ABTB1: variants seen among roughly 807,000 people sequenced by gnomAD.
The protein encoded by ABTB1 is ankyrin repeat and BTB domain containing 1.
Under a neutral mutation model 57.1 loss-of-function variants are expected in ABTB1, and 45 were observed. The observed-to-expected ratio is 0.79, with a 90% CI of 0.62 to 1.01. The LOEUF is 1.01. Ranked by LOEUF, ABTB1 falls within the 50% of genes least tolerant of loss-of-function variation. The pLI is 0.00. For missense variants in ABTB1, 630 were observed against 666.3 expected (o/e 0.95, Z 0.60); for synonymous variants, 302 against 275.4 (o/e 1.10, Z -0.95).
intron 3 of ABTB1, chr3:127,675,537 G>A (rs941952872): frequency 3.3e-5 from 6 of 181,326 alleles, no homozygotes; most frequent in East Asian, 1.3e-4. Context: ...CCTTGGTCTC[G>A]CAAAGTGCCT....
chr3:127,678,223 C>G (rs1481981697), intron 10 of ABTB1: 1 of 245,788 alleles, frequency 4.1e-6, no homozygotes, highest in Non-Finnish European at 8.1e-6. Flanking sequence ...CTCCAGCTGC[C>G]CCAAGGTGTC....
chr3:127,676,453 GA>G lies in ABTB1; in HGVS notation c.480+23del. 1 of 1,614,050 alleles carries G rather than the reference GA, an allele frequency of 6.2e-7. No homozygotes were observed. Among genetic ancestry groups the G allele is most frequent in the African/African-American group, 1.3e-5 (1 of 75,042 alleles). On this transcript the variant is annotated intron_variant, in intron 5 of 11. Coordinates refer to ENST00000232744, the MANE Select transcript of ABTB1 (RefSeq NM_172027.3). This position sits in a 1 kb window ranked among gnomAD's most constrained non-coding sequence, Gnocchi z 5.4. ...ACTGGTATGTCCCTTCAGGGTGGCA[GA>G]GGGGCATGAACTGTCCAGGAACAGC...
intron 1 of ABTB1, 129 bp downstream of exon 1, chr3:127,673,210 C>A: frequency 2.8e-6 from 3 of 1,054,936 alleles, no homozygotes; most frequent in Non-Finnish European, 3.7e-6. Context: ...CCTCGGAGCG[C>A]CCCCGCGGGG....
In ABTB1 at chr3:127,680,540, T is replaced by C. The variant is rs757723852; in HGVS notation, c.*65T>C. ...GGAGACAAGCATGTGTATGCGTTTG[T>C]GTGCAGCTCTTCTTCCTGCTCCCTG... On this transcript the variant is annotated 3_prime_UTR_variant, in exon 12 of 12. Transcript: ENST00000232744. 6.4e-7 allele frequency: 1 copy of C among 1,567,304 alleles called. No individual in the cohort carries two copies. The highest frequency in any genetic ancestry group is 1.7e-5 in the Admixed American group (1 of 59,346).
chr3:127,676,706 C>T lies in ABTB1; in HGVS notation c.526+125C>T. 1.6e-6 allele frequency: 2 copies of T among 1,290,222 alleles called. No homozygotes were observed. The highest frequency in any genetic ancestry group is 2.2e-6 in the Non-Finnish European group (2 of 917,180). 79.9% of individuals were successfully genotyped at this position (1,290,222 alleles called of 1,614,324 possible). On this transcript the variant is annotated intron_variant, in intron 6 of 11. Coordinates refer to ENST00000232744, the MANE Select transcript of ABTB1 (RefSeq NM_172027.3). The surrounding 1 kb of genome is among the most constrained non-coding windows in gnomAD (Gnocchi z 5.4). ...CTTCATGGTCCCCCCGGGGTGGTTC[C>T]AGCTGCCTCTCGGGTTGGGTTGCAA...
Position 127,676,148 on chromosome 3 carries a change from G to A in ABTB1, c.320+34G>A, listed in dbSNP as rs769225597. On this transcript the variant is annotated intron_variant, in intron 4 of 11. Transcript: ENST00000232744. This position sits in a 1 kb window ranked among gnomAD's most constrained non-coding sequence, Gnocchi z 5.4. The stretch of plus-strand genomic sequence containing the variant: ...GGGCACACGAGGGGTGCAGCATGGG[G>A]TGCGGTGGCCCTGGTGGGTGTGGCG... 1.2e-6 allele frequency: 2 copies of A among 1,610,264 alleles called. No homozygotes were observed. The highest frequency in any genetic ancestry group is 1.3e-5 in the African/African-American group (1 of 74,980).
Position 127,677,041 on chromosome 3 carries a change from C to T in ABTB1, c.601C>T (p.Leu201Phe), listed in dbSNP as rs2074999282. The change falls in exon 7 of 12, where the codon CTC becomes TTC. Residue 201 changes from leucine (L) to phenylalanine (F), a missense_variant. Transcript: ENST00000232744. ...LAKQCQLWDL[L>F]SDLEAKCEKV... is the part of the protein sequence containing the mutation. ...CAAGCAATGCCAGCTGTGGGACCTG[C>T]TCAGCGACCTGGAGGCCAAGTGCGA... 2.5e-6 allele frequency: 4 copies of T among 1,614,132 alleles called. No individual in the cohort carries two copies. The highest frequency in any genetic ancestry group is 3.4e-6 in the Non-Finnish European group (4 of 1,180,006).
At chr3:127,679,258 CTCG>C in intron 10 of ABTB1, 1 of 308,662 alleles carries the variant, frequency 3.2e-6, no homozygotes, top group East Asian at 9.8e-5. Flanking sequence ...GGGGATAGCT[CTCG>C]TCGTCACTTC....
In ABTB1 at chr3:127,676,597, C is replaced by T. The variant is rs752189895; in HGVS notation, c.526+16C>T. The T allele has an allele frequency of 6.2e-7, 1 of 1,613,380 alleles. No homozygotes were observed. The highest frequency in any genetic ancestry group is 8.5e-7 in the Non-Finnish European group (1 of 1,179,924). On this transcript the variant is annotated intron_variant, in intron 6 of 11. Coordinates refer to ENST00000232744, the MANE Select transcript of ABTB1 (RefSeq NM_172027.3). The surrounding 1 kb of genome is among the most constrained non-coding windows in gnomAD (Gnocchi z 5.4). ...CTGTACACAGGTGACCCCCTGGGTC[C>T]AGGGTAGGAGGAGAGGGAGTGGGCC...
At chr3:127,674,904 G>C (rs142975441) in intron 3 of ABTB1, among the ~76,000 whole-genome samples, 4 of 152,126 alleles carry the variant, frequency 2.6e-5, no homozygotes, top group African/African-American at 9.7e-5. Flanking sequence ...GAATCTGATC[G>C]GCTAAAAATC....
At position 127,676,347 on chromosome 3, in the gene ABTB1, C is replaced by A; in HGVS notation, c.396C>A (p.Val132=). ...AGCCATTCCGGGTGCATCGCTGCGT[C>A]CTGGGTGCACGTAGTGCCTACTTTG... ...HGKPFRVHRC[V]LGARSAYFAN... Residue 132 remains valine, a synonymous_variant, in exon 5 of 12, where the codon GTC becomes GTA. Transcript: ENST00000232744. The surrounding 1 kb of genome is among the most constrained non-coding windows in gnomAD (Gnocchi z 5.4). The A allele has an allele frequency of 6.2e-7, 1 of 1,614,154 alleles. No homozygotes were observed. The highest frequency in any genetic ancestry group is 8.5e-7 in the Non-Finnish European group (1 of 1,180,022).
chr3:127,673,228 C>T, intron 1 of ABTB1, 147 bp downstream of exon 1: 1 of 769,286 alleles, frequency 1.3e-6, no homozygotes, highest in Non-Finnish European at 1.8e-6. Context: ...GGGCAGACCA[C>T]CCGGACCCCC....
rs2074922780 is a variant in ABTB1, at chr3:127,674,274, C to T, written c.57-117C>T. The T allele has an allele frequency of 4.4e-6, 6 of 1,374,966 alleles. No individual in the cohort carries two copies. The Admixed American group carries it at 6.1e-5, about 14-fold the overall frequency. The allele number at this position is 1,374,966 out of a possible 1,614,324, so 85.2% of individuals were successfully genotyped here. ...CTGGTCTGCCTGTCACCTGCCCTCA[C>T]CTGGGGGAGGCTTCCCCATACCAAA... is the stretch of plus-strand genomic sequence containing the variant. On this transcript the variant is annotated intron_variant, in intron 1 of 11. Transcript: ENST00000232744.
chr3:127,674,281 G>A, intron 1 of ABTB1, 110 bp from the exon 2 acceptor site: 3 of 1,425,650 alleles, frequency 2.1e-6, no homozygotes, highest in Non-Finnish European at 9.6e-7. Flanking sequence ...TCACCTGGGG[G>A]AGGCTTCCCC....
In ABTB1 at chr3:127,676,717, C is replaced by A; in HGVS notation, c.526+136C>A. On this transcript the variant is annotated intron_variant, in intron 6 of 11. Transcript: ENST00000232744. The surrounding 1 kb of genome is among the most constrained non-coding windows in gnomAD (Gnocchi z 5.4). ...CCCCGGGGTGGTTCCAGCTGCCTCT[C>A]GGGTTGGGTTGCAAGAGAGAGGACT... The A allele has an allele frequency of 8.4e-7, 1 of 1,191,600 alleles. No homozygotes were observed. The highest frequency in any genetic ancestry group is 1.4e-5 in the South Asian group (1 of 72,518). The allele number at this position is 1,191,600 out of a possible 1,614,324, so 73.8% of individuals were successfully genotyped here. A position where few individuals can be genotyped will look rare whatever the true frequency, so the allele number is the denominator to read the frequency against.
At chr3:127,675,927 C>G in intron 3 of ABTB1, 43 bp from the exon 4 acceptor site, 2 of 1,587,320 alleles carry the variant, frequency 1.3e-6, no homozygotes. Flanking sequence ...AGAATTTCCC[C>G]CAGGCCCCTT....
chr3:127,676,423 C>T lies in ABTB1; in HGVS notation c.472C>T (p.His158Tyr), dbSNP rs2074985457. ...WKGKSVVVLR[H>Y]PLINPVAFGA... Reference sequence around the variant, plus strand: ...GGGCAAGAGTGTCGTGGTTCTCAGGCACCCACTGGTATGTCCCTTCAGGGT... The same window carrying T: ...GGGCAAGAGTGTCGTGGTTCTCAGGTACCCACTGGTATGTCCCTTCAGGGT... Residue 158 changes from histidine to tyrosine, a missense_variant, in exon 5 of 12, where the codon CAC (histidine) becomes TAC (tyrosine). By Grantham distance (83) the His-to-Tyr change is moderately conservative. This residue lies in a region of ABTB1 where 579 missense variants were observed against 585.9 expected (regional missense o/e 0.99). Coordinates refer to ENST00000232744, the MANE Select transcript of ABTB1 (RefSeq NM_172027.3). This position sits in a 1 kb window ranked among gnomAD's most constrained non-coding sequence, Gnocchi z 5.4. 3 of 1,613,968 alleles carry T rather than the reference C, an allele frequency of 1.9e-6. No individual in the cohort carries two copies. The highest frequency in any genetic ancestry group is 2.5e-6 in the Non-Finnish European group (3 of 1,179,888).
intron 2 of ABTB1, 34 bp from the exon 3 acceptor site, chr3:127,674,511 A>C: frequency 6.2e-7 from 1 of 1,614,108 alleles, no homozygotes; most frequent in East Asian, 2.2e-5. Context: ...TTCAGCACTG[A>C]GGACTGCCTC....
chr3:127,675,293 A>G, intron 3 of ABTB1, among the ~76,000 whole-genome samples: 1 of 128,428 alleles, frequency 7.8e-6, no homozygotes, highest in African/African-American at 3.0e-5. Flanking sequence ...TTGGAGACAG[A>G]GTCTTGCTCT....
Sources: allele counts gnomAD v4.1 joint callset (sites outside exome capture counted in the v4.1 genomes callset), GRCh38; gene constraint gnomAD v4.1.1; regional missense constraint gnomAD v4.1.1; non-coding constraint Gnocchi (gnomAD v3.1); transcripts MANE v1.5; gene names NCBI Gene and HGNC (gene_info 2026-07-23, HGNC 2026-07-21).